Variants in ZC3H7B observed in about 807,000 individuals in gnomAD.
ZC3H7B encodes zinc finger CCCH-type containing 7B.
A neutral mutation model predicts 116.0 loss-of-function variants in ZC3H7B; 35 were observed. That is an observed-to-expected ratio of 0.30 (90% CI 0.23 to 0.40). ZC3H7B has a LOEUF of 0.40. Ranked by LOEUF, ZC3H7B falls within the 10% of genes least tolerant of loss-of-function variation. The pLI is 1.00. For missense variants in ZC3H7B, 1,011 were observed against 1,321.5 expected (o/e 0.77, Z 3.64); for synonymous variants, 502 against 545.6 (o/e 0.92, Z 1.11).
intron 10 of ZC3H7B, among the ~76,000 whole-genome samples, chr22:41,340,383 C>A (rs1390578714): frequency 1.3e-5 from 2 of 152,058 alleles, no homozygotes; most frequent in African/African-American, 4.8e-5. Flanking sequence ...GGCCTCTAGA[C>A]TCCCAGTCTG....
chr22:41,327,173 G>A lies in ZC3H7B; in HGVS notation c.286-33G>A. 6.2e-7 allele frequency: 1 copy of A among 1,610,876 alleles called. No individual in the cohort carries two copies. The highest frequency in any genetic ancestry group is 1.1e-5 in the South Asian group (1 of 90,998). Reference sequence around the variant, plus strand: ...GCCTGGGGGAGGGAGGGTAACAGGTGTTGACCAGTGACCACATGCTCCTCT... The same window carrying A: ...GCCTGGGGGAGGGAGGGTAACAGGTATTGACCAGTGACCACATGCTCCTCT... On this transcript the variant is annotated intron_variant, in intron 4 of 22. Coordinates refer to ENST00000352645, the MANE Select transcript of ZC3H7B (RefSeq NM_017590.6). This position sits in a 1 kb window ranked among gnomAD's most constrained non-coding sequence, Gnocchi z 4.5.
Position 41,357,103 on chromosome 22 carries a change from C to A in ZC3H7B, c.2682-74C>A, listed in dbSNP as rs899091527. ...GAGGCTTGTCTTCGGGGAGGTCAAGCGGCCGGCCCCAGATGGACAGCCTGG... is the reference window on the plus strand; with the variant it reads ...GAGGCTTGTCTTCGGGGAGGTCAAGAGGCCGGCCCCAGATGGACAGCCTGG... On this transcript the variant is annotated intron_variant, in intron 22 of 22. Transcript: ENST00000352645. The surrounding 1 kb of genome is among the most constrained non-coding windows in gnomAD (Gnocchi z 5.4). The A allele has an allele frequency of 2.6e-6, 4 of 1,563,408 alleles. No individual in the cohort carries two copies. In the South Asian group the frequency reaches 4.7e-5, roughly 18 times the overall value.
intron 1 of ZC3H7B, among the ~76,000 whole-genome samples, chr22:41,305,202 G>C (rs916186832): frequency 2.0e-5 from 3 of 152,160 alleles, no homozygotes; most frequent in Non-Finnish European, 4.4e-5. Context: ...AAACTTAGCT[G>C]GATGTGGCGG....
chr22:41,337,792 G>T (rs1418622275), intron 7 of ZC3H7B, among the ~76,000 whole-genome samples: 2 of 151,864 alleles, frequency 1.3e-5, no homozygotes, highest in Non-Finnish European at 1.5e-5. Context: ...GATCCACTGA[G>T]CCCATGCCCC....
intron 1 of ZC3H7B, among the ~76,000 whole-genome samples, chr22:41,315,161 G>A (rs943477452): frequency 6.6e-6 from 1 of 151,768 alleles, no homozygotes; most frequent in East Asian, 1.9e-4. Context: ...CAAGTGAGAG[G>A]TGGGCTGGTG....
rs975038620 is a variant in ZC3H7B at position 41,346,342 on chromosome 22, A to C, written c.1665+134A>C. The C allele has an allele frequency of 3.3e-6, 3 of 914,860 alleles. No individual in the cohort carries two copies. Among genetic ancestry groups the C allele is most frequent in the Non-Finnish European group, 3.3e-6 (2 of 606,718 alleles). 56.7% of individuals were successfully genotyped at this position (914,860 alleles called of 1,614,324 possible). ...GTGGAGGCCTGGTCTTAGAACCAGT[A>C]GGTCCTGGAGGGTCAGTAAGTCTGG... On this transcript the variant is annotated intron_variant, in intron 14 of 22. Transcript: ENST00000352645. This position sits in a 1 kb window ranked among gnomAD's most constrained non-coding sequence, Gnocchi z 5.3.
Position 41,350,943 on chromosome 22 carries a change from T to TG in ZC3H7B, c.1949-616dup, listed in dbSNP as rs199979995. 3.0e-3 allele frequency among the ~76,000 whole-genome samples: 458 copies of TG among 152,226 alleles called. 1 individual carries two copies. The highest frequency in any genetic ancestry group is 0.011 in the African/African-American group (438 of 41,522). On this transcript the variant is annotated intron_variant, in intron 16 of 22. Transcript: ENST00000352645. ...TGTTGTGGGAAAGACGTGAGAAAGA[T>TG]GGAGAGCGCTGAAAAGAGGGCAGGC...
chr22:41,312,640 G>C (rs2145900540), intron 1 of ZC3H7B, among the ~76,000 whole-genome samples: 1 of 152,096 alleles, frequency 6.6e-6, no homozygotes, highest in African/African-American at 2.4e-5. Flanking sequence ...GGTCATGGTG[G>C]CTCACGCCTG....
At chr22:41,347,974 C>A in intron 14 of ZC3H7B, 93 bp from the exon 15 acceptor site, 2 of 1,089,012 alleles carry the variant, frequency 1.8e-6, no homozygotes, top group Non-Finnish European at 2.8e-6. Context: ...TGCAGGGACC[C>A]AGCTGTCCTT....
chr22:41,327,677 C>T lies in ZC3H7B; in HGVS notation c.444+313C>T, dbSNP rs2145917058. ...GTGGCTCACGCCTGTAATCTCAGCA[C>T]TTTCGGAGGCTGAGGCAGGCGGATC... On this transcript the variant is annotated intron_variant, in intron 5 of 22. Transcript: ENST00000352645. The surrounding 1 kb of genome is among the most constrained non-coding windows in gnomAD (Gnocchi z 4.5). Among the ~76,000 whole-genome samples the T allele has an allele frequency of 6.6e-6, 1 of 152,384 alleles. No individual in the cohort carries two copies. The highest frequency in any genetic ancestry group is 2.4e-5 in the African/African-American group (1 of 41,590).
At chr22:41,308,309 G>C (rs540278311) in intron 1 of ZC3H7B, among the ~76,000 whole-genome samples, 47 of 152,216 alleles carry the variant, frequency 3.1e-4, no homozygotes, top group Admixed American at 2.8e-3. Context: ...GAGCATCTCT[G>C]TGTCATCCCT....
At chr22:41,344,497 G>A (rs1017504416) in intron 13 of ZC3H7B, among the ~76,000 whole-genome samples, 2 of 152,048 alleles carry the variant, frequency 1.3e-5, no homozygotes, top group African/African-American at 2.4e-5. Flanking sequence ...CGTCACACAC[G>A]CTGTGCCCTT....
chr22:41,320,597 T>A (rs1569233148), intron 1 of ZC3H7B, 58 bp from the exon 2 acceptor site: 53 of 1,601,272 alleles, frequency 3.3e-5, no homozygotes, highest in Non-Finnish European at 4.5e-5. Flanking sequence ...GAAGTGGTGG[T>A]GGCTGACGGC....
rs967057055 is a variant in ZC3H7B, at chr22:41,332,034, C to T, written c.526-137C>T. The T allele has an allele frequency of 2.6e-4, 226 of 853,170 alleles. 2 individuals carry two copies. The highest frequency in any genetic ancestry group is 3.5e-4 in the Non-Finnish European group (188 of 532,864). 52.8% of individuals were successfully genotyped at this position (853,170 alleles called of 1,614,324 possible). ...GACAGAGCAGTTGATTTCCGGCAGG[C>T]CTGGGGACAGGGACTCTCGGGGGCG... On this transcript the variant is annotated intron_variant, in intron 6 of 22. Transcript: ENST00000352645.
At chr22:41,308,084 A>G (rs1041264373) in intron 1 of ZC3H7B, among the ~76,000 whole-genome samples, 1 of 151,986 alleles carries the variant, frequency 6.6e-6, no homozygotes, top group Non-Finnish European at 1.5e-5. Context: ...TGCTCTTCCT[A>G]CCCAGTCCAC....
chr22:41,349,651 C>T lies in ZC3H7B; in HGVS notation c.1948+350C>T, dbSNP rs528856590. On this transcript the variant is annotated intron_variant, in intron 16 of 22. Transcript: ENST00000352645. The surrounding 1 kb of genome is among the most constrained non-coding windows in gnomAD (Gnocchi z 4.9). ...GTCGGCAGCAAGTCCCCGCTCCTCACTGAGCCTCCAGTGCTCATCTGGGAA... is the reference window on the plus strand; with the variant it reads ...GTCGGCAGCAAGTCCCCGCTCCTCATTGAGCCTCCAGTGCTCATCTGGGAA... 5.3e-5 allele frequency among the ~76,000 whole-genome samples: 8 copies of T among 152,328 alleles called. No individual in the cohort carries two copies. In the South Asian group the frequency reaches 1.7e-3, roughly 32 times the overall value.
chr22:41,315,360 T>TG (rs976093432), intron 1 of ZC3H7B, among the ~76,000 whole-genome samples: 1 of 150,232 alleles, frequency 6.7e-6, no homozygotes, highest in Non-Finnish European at 1.5e-5. Context: ...GTGTTTTTTT[T>TG]TTTTTTTTTT....
At chr22:41,337,252 C>T (rs1476040231) in intron 7 of ZC3H7B, among the ~76,000 whole-genome samples, 4 of 151,654 alleles carry the variant, frequency 2.6e-5, no homozygotes, top group Admixed American at 6.6e-5. Flanking sequence ...TGCTTGAACC[C>T]GGGAGGTAGA....
intron 13 of ZC3H7B, among the ~76,000 whole-genome samples, chr22:41,344,185 A>G (rs1439675596): frequency 6.6e-6 from 1 of 152,198 alleles, no homozygotes; most frequent in Admixed American, 6.5e-5. Flanking sequence ...TTTCACCAGC[A>G]TGCAGCCTCA....
Sources: allele counts gnomAD v4.1 joint callset (sites outside exome capture counted in the v4.1 genomes callset), GRCh38; gene constraint gnomAD v4.1.1; non-coding constraint Gnocchi (gnomAD v3.1); transcripts MANE v1.5; gene names NCBI Gene and HGNC (gene_info 2026-07-23, HGNC 2026-07-21).